CNTN4: variants seen among roughly 807,000 people sequenced by gnomAD.
The protein encoded by CNTN4 is contactin-4.
Under a neutral mutation model 122.5 loss-of-function variants are expected in CNTN4, and 77 were observed. That is an observed-to-expected ratio of 0.63 (90% CI 0.52 to 0.76). The LOEUF (loss-of-function observed/expected upper bound fraction) is 0.76, where lower values mean the gene tolerates loss of function less well. Among genes scored for constraint, CNTN4 ranks in the 30% least tolerant of loss-of-function variants. CNTN4 has a pLI of 0.00. For synonymous variants in CNTN4, 512 were observed against 447.0 expected, an observed-to-expected ratio of 1.15 and a Z score of -1.83; for missense variants, 1,256 against 1,259.1, an observed-to-expected ratio of 1.00 and a Z score of 0.04.
At chr3:2,513,745 T>C (rs997299729) in intron 3 of CNTN4, among the ~76,000 whole-genome samples, 2 of 152,188 alleles carry the variant, frequency 1.3e-5, no homozygotes, top group Admixed American at 6.5e-5. Flanking sequence ...TTTTATAAAA[T>C]TGGGACACTG....
chr3:2,620,626 T>C (rs1190334002), intron 4 of CNTN4, among the ~76,000 whole-genome samples: 1 of 152,180 alleles, frequency 6.6e-6, no homozygotes, highest in Non-Finnish European at 1.5e-5. Context: ...AAAATAAATA[T>C]TGCCACAGGT....
At chr3:2,611,657 T>C (rs555804945) in intron 4 of CNTN4, among the ~76,000 whole-genome samples, 40 of 152,218 alleles carry the variant, frequency 2.6e-4, no homozygotes, top group African/African-American at 9.4e-4. Context: ...ACCCAATGCA[T>C]GGATGGAATA....
At chr3:2,190,479 T>C (rs922854880) in intron 2 of CNTN4, among the ~76,000 whole-genome samples, 1 of 151,798 alleles carries the variant, frequency 6.6e-6, no homozygotes, top group African/African-American at 2.4e-5. Flanking sequence ...GCATAAAGGG[T>C]CTTTAGGAGC....
At chr3:2,694,728 CAA>C (rs993757127) in intron 4 of CNTN4, among the ~76,000 whole-genome samples, 2 of 151,570 alleles carry the variant, frequency 1.3e-5, no homozygotes, top group African/African-American at 4.8e-5. Flanking sequence ...GACCCTGTCT[CAA>C]AAAAAGAAAG....
chr3:2,981,598 G>GT (rs1354662441), intron 13 of CNTN4, among the ~76,000 whole-genome samples: 1 of 151,726 alleles, frequency 6.6e-6, no homozygotes, highest in Non-Finnish European at 1.5e-5. Context: ...TGGAAAAACC[G>GT]TTTTTCTAAG....
At chr3:2,840,640 A>C (rs558279419) in intron 7 of CNTN4, among the ~76,000 whole-genome samples, 1 of 141,990 alleles carries the variant, frequency 7.0e-6, no homozygotes, top group East Asian at 2.1e-4. Flanking sequence ...CGGAGCTTGC[A>C]GTGAGCCAAG....
intron 2 of CNTN4, among the ~76,000 whole-genome samples, chr3:2,202,726 C>T (rs2038155481): frequency 6.6e-6 from 1 of 152,118 alleles, no homozygotes; most frequent in Admixed American, 6.6e-5. Flanking sequence ...GAAACTTGAA[C>T]TTTAAATGTA....
At chr3:2,866,709 G>C (rs182008043) in intron 7 of CNTN4, 43 bp from the exon 8 acceptor site, 1 of 1,547,480 alleles carries the variant, frequency 6.5e-7, no homozygotes, top group Non-Finnish European at 8.9e-7. Flanking sequence ...TAGAGTTCCA[G>C]TGCCAAAAGA....
At chr3:2,504,323 A>C (rs976220811) in intron 3 of CNTN4, among the ~76,000 whole-genome samples, 2 of 152,110 alleles carry the variant, frequency 1.3e-5, no homozygotes, top group African/African-American at 2.4e-5. Context: ...TACCATCTTC[A>C]TGTTTTCTGG....
intron 2 of CNTN4, among the ~76,000 whole-genome samples, chr3:2,130,765 T>C (rs6778499): frequency 0.055 from 8,352 of 152,248 alleles, 391 homozygotes; most frequent in African/African-American, 0.13. Context: ...AACTTACATA[T>C]CTATAGTCTC....
At chr3:2,928,544 T>C (rs2094493668) in intron 13 of CNTN4, among the ~76,000 whole-genome samples, 1 of 152,220 alleles carries the variant, frequency 6.6e-6, no homozygotes, top group South Asian at 2.1e-4. Context: ...AGTAATAATT[T>C]CTAATGCACT....
At chr3:2,699,931 G>C (rs1407917701) in intron 4 of CNTN4, among the ~76,000 whole-genome samples, 1 of 152,086 alleles carries the variant, frequency 6.6e-6, no homozygotes, top group Non-Finnish European at 1.5e-5. Flanking sequence ...CTGCCACTGG[G>C]TGAGTTGATG....
At chr3:2,494,531 G>A (rs1226808050) in intron 3 of CNTN4, among the ~76,000 whole-genome samples, 1 of 152,128 alleles carries the variant, frequency 6.6e-6, no homozygotes, top group Non-Finnish European at 1.5e-5. Context: ...GTAGCAAGCT[G>A]CAGACAGAAT....
At chr3:2,616,632 C>A (rs2081752747) in intron 4 of CNTN4, among the ~76,000 whole-genome samples, 1 of 152,126 alleles carries the variant, frequency 6.6e-6, no homozygotes, top group South Asian at 2.1e-4. Context: ...ATAGTGTCAC[C>A]AGCGTCTATT....
At chr3:2,100,782 G>A (rs1157936041) in intron 2 of CNTN4, 143 bp downstream of exon 2, 1 of 152,188 alleles carries the variant, frequency 6.6e-6, no homozygotes, top group East Asian at 1.9e-4. Context: ...TTATAAAATA[G>A]CTATTGATTT....
At chr3:2,859,121 C>T (rs2093647194) in intron 7 of CNTN4, among the ~76,000 whole-genome samples, 1 of 152,202 alleles carries the variant, frequency 6.6e-6, no homozygotes, top group Non-Finnish European at 1.5e-5. Context: ...ATGTGTTCAA[C>T]GTTTTGTGAT....
chr3:2,538,477 TC>T (rs2077899116), intron 3 of CNTN4, among the ~76,000 whole-genome samples: 1 of 152,122 alleles, frequency 6.6e-6, no homozygotes, highest in African/African-American at 2.4e-5. Context: ...CTATGTTATT[TC>T]TAATAGTTTT....
chr3:3,043,143 A>T lies in CNTN4; in HGVS notation c.2678A>T (p.Asn893Ile), dbSNP rs759618514. ...ACAGGCCCCTCTAGTGCAACAGTCA[A>T]TGTGACAACCCGAAAGCCACGTAAG... Reference protein sequence around the residue: ...AGTGPSSATVNVTTRKPPPSQ... With the variant: ...AGTGPSSATVIVTTRKPPPSQ... The change falls in exon 22 of 25, where the codon AAT (asparagine) becomes ATT (isoleucine). Residue 893 changes from asparagine (N) to isoleucine (I), a missense_variant. Transcript: ENST00000418658. 1 of 1,614,166 alleles carries T rather than the reference A, an allele frequency of 6.2e-7. No homozygotes were observed. The highest frequency in any genetic ancestry group is 8.5e-7 in the Non-Finnish European group (1 of 1,180,026).
At chr3:2,310,231 G>T (rs1362891431) in intron 2 of CNTN4, among the ~76,000 whole-genome samples, 2 of 152,088 alleles carry the variant, frequency 1.3e-5, no homozygotes, top group Non-Finnish European at 2.9e-5. Flanking sequence ...AATTTATTGG[G>T]TGCTTTTCAA....
Sources: allele counts gnomAD v4.1 joint callset (sites outside exome capture counted in the v4.1 genomes callset), GRCh38; gene constraint gnomAD v4.1.1; transcripts MANE v1.5; gene names NCBI Gene and HGNC (gene_info 2026-07-23, HGNC 2026-07-21).